The following NGF variants were observed in gnomAD, a reference collection of about 807,000 sequenced individuals.
NGF encodes beta-nerve growth factor.
Under a neutral mutation model 12.8 loss-of-function variants are expected in NGF, and 4 were observed. The ratio of observed to expected loss-of-function variants is 0.31; its 90% CI spans 0.15 to 0.72. The LOEUF is 0.72. Ranked by LOEUF, NGF falls within the 30% of genes least tolerant of loss-of-function variation. NGF has a pLI of 0.69. For missense variants in NGF, 283 were observed against 330.8 expected, an observed-to-expected ratio of 0.86 and a Z score of 1.12; for synonymous variants, 140 against 130.0, an observed-to-expected ratio of 1.08 and a Z score of -0.52.
chr1:115,287,069 C>T (rs1487799474), intron 2 of NGF, among the ~76,000 whole-genome samples: 1 of 152,138 alleles, frequency 6.6e-6, no homozygotes, highest in East Asian at 1.9e-4. Flanking sequence ...TGAAATTTTG[C>T]CCAGTAGTTC....
In NGF at chr1:115,286,620, A is replaced by G. The variant is rs748148537; in HGVS notation, c.176T>C (p.Ile59Thr). The G allele has an allele frequency of 5.6e-6, 9 of 1,614,222 alleles. No homozygotes were observed. The highest frequency in any genetic ancestry group is 1.7e-5 in the Admixed American group (1 of 60,028). ...GGTCTGCCCCGCCACGCGTGCAGCTATCGCCGCTGCCGGGGCGCTGCGGGC... is the reference window on the plus strand; with the variant it reads ...GGTCTGCCCCGCCACGCGTGCAGCTGTCGCCGCTGCCGGGGCGCTGCGGGC... ...RRARSAPAAAIAARVAGQTRN... is the reference protein window; with the variant it reads ...RRARSAPAAATAARVAGQTRN... Residue 59 changes from isoleucine to threonine, a missense_variant, in exon 3 of 3, where the codon ATA (isoleucine) becomes ACA (threonine). Physicochemically the swap from Ile to Thr is moderately conservative, Grantham distance 89. Coordinates refer to ENST00000369512, the MANE Select transcript of NGF (RefSeq NM_002506.3).
intron 1 of NGF, among the ~76,000 whole-genome samples, chr1:115,300,970 G>T (rs1047505399): frequency 6.6e-6 from 1 of 152,162 alleles, no homozygotes; most frequent in African/African-American, 2.4e-5. Flanking sequence ...TCGAGCTTAT[G>T]TTAAGGAGTT....
At chr1:115,310,220 G>A (rs1238495133) in intron 1 of NGF, among the ~76,000 whole-genome samples, 1 of 152,228 alleles carries the variant, frequency 6.6e-6, no homozygotes, top group Non-Finnish European at 1.5e-5. Flanking sequence ...ACCAGGCCTG[G>A]AAGTAAATAT....
At chr1:115,303,970 T>G (rs1654122586) in intron 1 of NGF, among the ~76,000 whole-genome samples, 1 of 152,232 alleles carries the variant, frequency 6.6e-6, no homozygotes, top group Admixed American at 6.5e-5. Context: ...ATTATACTAT[T>G]TTCTAGCACT....
chr1:115,331,559 T>C (rs1450247875), intron 1 of NGF, among the ~76,000 whole-genome samples: 3 of 152,230 alleles, frequency 2.0e-5, no homozygotes, highest in East Asian at 1.9e-4. Flanking sequence ...TCTGTACCCA[T>C]GTGTGGAAAG....
chr1:115,329,658 C>T (rs1167786110), intron 1 of NGF, among the ~76,000 whole-genome samples: 2 of 151,728 alleles, frequency 1.3e-5, no homozygotes, highest in Admixed American at 6.6e-5. Flanking sequence ...AAATGTTACT[C>T]TATGCTCTTT....
intron 1 of NGF, among the ~76,000 whole-genome samples, chr1:115,337,528 T>TC (rs1335178007): frequency 1.3e-5 from 2 of 152,022 alleles, no homozygotes; most frequent in East Asian, 3.9e-4. Context: ...CTTGGCGACC[T>TC]CTACCTGAGG....
Position 115,286,738 on chromosome 1 carries a change from G to T in NGF, c.58C>A (p.Pro20Thr), listed in dbSNP as rs1311320523. 1.9e-6 allele frequency: 3 copies of T among 1,614,204 alleles called. No homozygotes were observed. The highest frequency in any genetic ancestry group is 2.5e-6 in the Non-Finnish European group (3 of 1,180,044). Reference sequence around the variant, plus strand: ...GCAGGGACATTGCTCTCTGAGTGTGGTTCCGCCTGTATGCCGATCAGAAAA... The same window carrying T: ...GCAGGGACATTGCTCTCTGAGTGTGTTTCCGCCTGTATGCCGATCAGAAAA... ...TAFLIGIQAE[P>T]HSESNVPAGH... Residue 20 changes from proline (P) to threonine (T), a missense_variant, in exon 3 of 3, where the codon CCA (proline) becomes ACA (threonine). Physicochemically the swap from Pro to Thr is conservative, Grantham distance 38. This residue lies in a region of NGF where 151 missense variants were observed against 141.6 expected (regional missense o/e 1.07). Coordinates refer to ENST00000369512, the MANE Select transcript of NGF (RefSeq NM_002506.3).
rs150047816 is a variant in NGF at position 115,288,458 on chromosome 1, G to A, written c.-12-1651C>T. The stretch of plus-strand genomic sequence containing the variant: ...TTTGTGTAAATCATGAGTTATTTCT[G>A]TCTCCTTGTGGTCAAGGACTTTGTC... On this transcript the variant is annotated intron_variant, in intron 2 of 2. Transcript: ENST00000369512. 2.0e-3 allele frequency among the ~76,000 whole-genome samples: 308 copies of A among 152,282 alleles called. 2 individuals are homozygous for A. The highest frequency in any genetic ancestry group is 5.6e-4 in the Non-Finnish European group (38 of 68,028).
chr1:115,300,507 A>G (rs1223720688), intron 1 of NGF, among the ~76,000 whole-genome samples: 7 of 152,246 alleles, frequency 4.6e-5, no homozygotes, highest in African/African-American at 1.4e-4. Flanking sequence ...AACATGGATC[A>G]CAAGCAGTCA....
intron 1 of NGF, among the ~76,000 whole-genome samples, chr1:115,316,132 G>A (rs1197276523): frequency 6.6e-6 from 1 of 152,184 alleles, no homozygotes; most frequent in East Asian, 1.9e-4. Context: ...GAAAAGAGGA[G>A]CAGTCAGGGC....
Position 115,286,600 on chromosome 1 carries a change from G to T in NGF, c.196C>A (p.Gln66Lys), listed in dbSNP as rs766082334. The change falls in exon 3 of 3, where the codon CAG becomes AAG. Residue 66 changes from glutamine (Q) to lysine (K), a missense_variant. By Grantham distance (53) the Gln-to-Lys change is moderately conservative. Transcript: ENST00000369512. ...GGGTCCACAGTAATGTTGCGGGTCTGCCCCGCCACGCGTGCAGCTATCGCC... is the reference window on the plus strand; with the variant it reads ...GGGTCCACAGTAATGTTGCGGGTCTTCCCCGCCACGCGTGCAGCTATCGCC... ...AAAIAARVAG[Q>K]TRNITVDPRL... 2.4e-5 allele frequency: 39 copies of T among 1,614,096 alleles called. No homozygotes were observed. In the Middle Eastern group the frequency reaches 4.9e-4, roughly 20 times the overall value.
chr1:115,292,442 A>C (rs972808310), intron 2 of NGF, among the ~76,000 whole-genome samples: 2 of 152,204 alleles, frequency 1.3e-5, no homozygotes, highest in Admixed American at 6.5e-5. Flanking sequence ...GAGGACACTA[A>C]GAATCTACAT....
In NGF at chr1:115,334,541, G is replaced by T. The variant is rs139769003; in HGVS notation, c.-137+3663C>A. ...AGCACTGAGGTCCCTGCCGATGGTG[G>T]CCTAGAGTCTGATTTGCTGGCTCTT... On this transcript the variant is annotated intron_variant, in intron 1 of 2. Transcript: ENST00000369512. 1.1e-4 allele frequency among the ~76,000 whole-genome samples: 17 copies of T among 152,240 alleles called. No individual in the cohort carries two copies. The East Asian group carries it at 3.3e-3, about 29-fold the overall frequency.
chr1:115,287,486 A>C (rs183123430), intron 2 of NGF, among the ~76,000 whole-genome samples: 5 of 152,170 alleles, frequency 3.3e-5, no homozygotes, highest in Admixed American at 6.5e-5. Flanking sequence ...GGACCACATA[A>C]TAGTTCCTCT....
chr1:115,332,435 A>G (rs1321831600), intron 1 of NGF, among the ~76,000 whole-genome samples: 1 of 152,172 alleles, frequency 6.6e-6, no homozygotes, highest in Non-Finnish European at 1.5e-5. Context: ...AACCAAAAAG[A>G]TTTCTCCTCC....
At chr1:115,335,832 G>A (rs1052700602) in intron 1 of NGF, among the ~76,000 whole-genome samples, 1 of 152,220 alleles carries the variant, frequency 6.6e-6, no homozygotes, top group Non-Finnish European at 1.5e-5. Flanking sequence ...CTGCTCTGAT[G>A]CAGGGTACTG....
intron 2 of NGF, among the ~76,000 whole-genome samples, chr1:115,293,305 A>G (rs1384621013): frequency 6.6e-6 from 1 of 152,190 alleles, no homozygotes; most frequent in South Asian, 2.1e-4. Context: ...TTCCCTGCTC[A>G]GTCGGACCAG....
chr1:115,328,050 A>C (rs1290572633), intron 1 of NGF, among the ~76,000 whole-genome samples: 1 of 152,192 alleles, frequency 6.6e-6, no homozygotes, highest in Non-Finnish European at 1.5e-5. Flanking sequence ...CTGCCTAAAA[A>C]GCAGCATTAA....
Sources: gnomAD v4.1 joint callset for allele counts (sites outside exome capture counted in the v4.1 genomes callset) on GRCh38, gnomAD v4.1.1 for gene constraint, gnomAD v4.1.1 regional missense constraint, MANE v1.5 for transcripts, NCBI Gene and HGNC (gene_info 2026-07-23, HGNC 2026-07-21) for gene names.